The following YEATS2 variants were observed in gnomAD, a reference collection of about 807,000 sequenced individuals.
The protein encoded by YEATS2 is YEATS domain containing 2.
A neutral mutation model predicts 163.2 loss-of-function variants in YEATS2; 77 were observed. That is an observed-to-expected ratio of 0.47 (90% confidence interval 0.39 to 0.57). YEATS2 has a LOEUF of 0.57. YEATS2 is among the 20% of genes least tolerant of loss of function. The probability of loss-of-function intolerance (pLI) is 0.00; values close to 1 mark genes in which losing one functional copy is unlikely to be tolerated. For synonymous variants in YEATS2, 631 were observed against 645.1 expected (o/e 0.98, Z 0.33); for missense variants, 1,549 against 1,729.8 (o/e 0.90, Z 1.85).
At chr3:183,701,172 C>T (rs1234254037) in intron 1 of YEATS2, among the ~76,000 whole-genome samples, 1 of 151,092 alleles carries the variant, frequency 6.6e-6, no homozygotes, top group Non-Finnish European at 1.5e-5. Context: ...AGCTCTGCCT[C>T]CCGGGTTCAC....
At chr3:183,784,682 A>G (rs1723883629) in intron 19 of YEATS2, among the ~76,000 whole-genome samples, 2 of 151,970 alleles carry the variant, frequency 1.3e-5, no homozygotes, top group Non-Finnish European at 2.9e-5. Context: ...TTTTATTGGA[A>G]CACAGCCACA....
intron 21 of YEATS2, 23 bp downstream of exon 21, chr3:183,791,003 TTC>T (rs1577200979): frequency 1.9e-6 from 3 of 1,603,740 alleles, no homozygotes; most frequent in Non-Finnish European, 2.6e-6. Context: ...GTGATATTAT[TTC>T]TCTCTCTTTT....
At chr3:183,806,095 T>C (rs139489441) in intron 27 of YEATS2, 88 of 354,798 alleles carry the variant, frequency 2.5e-4, no homozygotes, top group African/African-American at 1.7e-3. Flanking sequence ...TACAATGGTC[T>C]GAAAGCTGTA....
At chr3:183,802,957 G>A in intron 25 of YEATS2, 1 of 298,954 alleles carries the variant, frequency 3.3e-6, no homozygotes, top group African/African-American at 2.2e-5. Flanking sequence ...GTTAATGGCG[G>A]GTCCAGGGCT....
Position 183,715,127 on chromosome 3 carries a change from T to A in YEATS2, c.-19-17T>A. On this transcript the variant is annotated splice_polypyrimidine_tract_variant and intron_variant, in intron 1 of 30. Transcript: ENST00000305135. ...AACTGAATAATTAAAAATTATTAAT[T>A]TATCATTGCTTCACAGTGAAGAACT... The A allele has an allele frequency of 6.7e-7, 1 of 1,485,774 alleles. No individual in the cohort carries two copies. Among genetic ancestry groups the A allele is most frequent in the Non-Finnish European group, 9.3e-7 (1 of 1,074,224 alleles). The allele number at this position is 1,485,774 out of a possible 1,614,324, so 92.0% of individuals were successfully genotyped here.
At chr3:183,747,514 A>T (rs1719671603) in intron 8 of YEATS2, among the ~76,000 whole-genome samples, 158 bp from the exon 9 acceptor site, 2 of 152,200 alleles carry the variant, frequency 1.3e-5, no homozygotes, top group South Asian at 4.1e-4. Flanking sequence ...ATTTTACTCA[A>T]TTTTTTATTG....
intron 15 of YEATS2, among the ~76,000 whole-genome samples, chr3:183,766,909 A>G (rs899801261): frequency 1.3e-5 from 2 of 151,712 alleles, no homozygotes; most frequent in African/African-American, 4.8e-5. Context: ...TCCTGGGCTC[A>G]AGCAGTCTGC....
At chr3:183,709,474 A>G (rs1377158323) in intron 1 of YEATS2, among the ~76,000 whole-genome samples, 1 of 150,756 alleles carries the variant, frequency 6.6e-6, no homozygotes, top group Non-Finnish European at 1.5e-5. Flanking sequence ...AGCTGGGACT[A>G]TAGGCATGCA....
chr3:183,788,007 A>T (rs911161626), intron 20 of YEATS2, among the ~76,000 whole-genome samples: 1 of 152,128 alleles, frequency 6.6e-6, no homozygotes, highest in Non-Finnish European at 1.5e-5. Flanking sequence ...CATCTCAAAA[A>T]ATATATATAA....
chr3:183,721,293 A>G (rs1334693555), intron 4 of YEATS2, among the ~76,000 whole-genome samples: 1 of 152,210 alleles, frequency 6.6e-6, no homozygotes, highest in Non-Finnish European at 1.5e-5. Context: ...TAGTTTAATA[A>G]CACAGTTTTT....
intron 17 of YEATS2, among the ~76,000 whole-genome samples, chr3:183,775,455 C>A (rs1722888287): frequency 1.3e-5 from 2 of 152,250 alleles, no homozygotes; most frequent in South Asian, 4.1e-4. Context: ...ATTAGCTGGG[C>A]ATGGTGGCAC....
intron 27 of YEATS2, among the ~76,000 whole-genome samples, chr3:183,804,753 C>T (rs1215457133): frequency 1.3e-5 from 2 of 148,752 alleles, no homozygotes; most frequent in African/African-American, 2.5e-5. Context: ...TTTGGGAGGC[C>T]GAGGCGGGTG....
At chr3:183,750,610 T>A (rs1018952098) in intron 9 of YEATS2, among the ~76,000 whole-genome samples, 1 of 152,206 alleles carries the variant, frequency 6.6e-6, no homozygotes, top group Middle Eastern at 3.2e-3. Flanking sequence ...GTATTTTAAT[T>A]TATAGTAGTT....
At chr3:183,808,951 T>G in intron 29 of YEATS2, 146 bp from the exon 30 acceptor site, 1 of 661,780 alleles carries the variant, frequency 1.5e-6, no homozygotes, top group Non-Finnish European at 2.7e-6. Context: ...TGGTCTATTA[T>G]TGAGGCCTTT....
chr3:183,803,362 G>C (rs1725876569), intron 26 of YEATS2, 27 bp downstream of exon 26: 1 of 1,597,632 alleles, frequency 6.3e-7, no homozygotes, highest in African/African-American at 1.3e-5. Context: ...TGTCCACTCT[G>C]GCTGCCTCCA....
intron 25 of YEATS2, 57 bp from the exon 26 acceptor site, chr3:183,803,199 C>A: frequency 1.3e-6 from 2 of 1,566,428 alleles, no homozygotes; most frequent in Admixed American, 1.8e-5. Context: ...CAGCAAATGA[C>A]GTGTGGTTGG....
chr3:183,789,525 ATTTTTTTT>A (rs143473253), intron 20 of YEATS2, among the ~76,000 whole-genome samples: 39 of 66,346 alleles, frequency 5.9e-4, no homozygotes, highest in Admixed American at 1.0e-3. Context: ...ATTCGAGTTA[ATTTTTTTT>A]TTTTTTTTTT....
chr3:183,758,835 A>G (rs758824488), intron 12 of YEATS2, 27 bp from the exon 13 acceptor site: 4 of 1,435,126 alleles, frequency 2.8e-6, no homozygotes, highest in South Asian at 1.2e-5. Flanking sequence ...TACTTTGTTT[A>G]TGTTTTAATT....
intron 2 of YEATS2, among the ~76,000 whole-genome samples, chr3:183,717,084 G>T (rs1360923504): frequency 1.3e-5 from 2 of 151,906 alleles, no homozygotes; most frequent in African/African-American, 4.8e-5. Context: ...GTAGAGACGG[G>T]GTTTCACCAT....
Sources: allele counts gnomAD v4.1 joint callset (sites outside exome capture counted in the v4.1 genomes callset), GRCh38; gene constraint gnomAD v4.1.1; transcripts MANE v1.5; gene names NCBI Gene and HGNC (gene_info 2026-07-23, HGNC 2026-07-21).